Variants in LRRC49 observed in about 807,000 individuals in gnomAD.
LRRC49 encodes leucine rich repeat containing 49.
Under a neutral mutation model 83.3 loss-of-function variants are expected in LRRC49, and 50 were observed. The observed-to-expected ratio is 0.60, with a 90% CI of 0.48 to 0.76. The LOEUF is 0.76. Among genes scored for constraint, LRRC49 ranks in the 30% least tolerant of loss-of-function variants. The pLI is 0.00. For synonymous variants in LRRC49, 286 were observed against 283.3 expected (o/e 1.01, Z -0.10); for missense variants, 704 against 809.1 (o/e 0.87, Z 1.58).
chr15:70,862,627 T>C (rs1053419394), intron 1 of LRRC49, among the ~76,000 whole-genome samples: 9 of 150,948 alleles, frequency 6.0e-5, no homozygotes, highest in African/African-American at 1.9e-4. Context: ...AATTAAGTTC[T>C]GGGGTTAAGA....
At chr15:71,027,723 T>C (rs1427674929) in intron 14 of LRRC49, among the ~76,000 whole-genome samples, 1 of 152,252 alleles carries the variant, frequency 6.6e-6, no homozygotes, top group African/African-American at 2.4e-5. Context: ...GGTAGTTCAC[T>C]CATGATTTGG....
intron 2 of LRRC49, among the ~76,000 whole-genome samples, chr15:70,876,450 G>A (rs1466514886): frequency 6.6e-6 from 1 of 152,164 alleles, no homozygotes; most frequent in Non-Finnish European, 1.5e-5. Flanking sequence ...ATGCCATGAT[G>A]GGCTATGCAT....
At chr15:70,935,201 G>A (rs775445282) in intron 7 of LRRC49, among the ~76,000 whole-genome samples, 7 of 152,194 alleles carry the variant, frequency 4.6e-5, no homozygotes, top group Non-Finnish European at 8.8e-5. Context: ...TGTGGAATAG[G>A]CTTCATGGGA....
intron 3 of LRRC49, among the ~76,000 whole-genome samples, chr15:70,897,443 G>A (rs537112627): frequency 6.6e-6 from 1 of 152,186 alleles, no homozygotes; most frequent in Admixed American, 6.5e-5. Context: ...TGTGTACCTG[G>A]TTACTTTCAA....
chr15:71,011,082 T>C (rs905698133), intron 13 of LRRC49, among the ~76,000 whole-genome samples: 6 of 152,092 alleles, frequency 3.9e-5, no homozygotes, highest in African/African-American at 1.4e-4. Flanking sequence ...CTGCTGAAGA[T>C]GTTGGGTAAA....
chr15:70,949,248 A>T (rs186742117), intron 8 of LRRC49, among the ~76,000 whole-genome samples: 2 of 152,334 alleles, frequency 1.3e-5, no homozygotes, highest in Admixed American at 1.3e-4. Context: ...ATAGTCATAC[A>T]CTGAGTAACA....
Position 70,882,865 on chromosome 15 carries a change from T to G in LRRC49, c.18+9642T>G, listed in dbSNP as rs773596354. ...TGAAGTGACAGTATTAGATGGATTA[T>G]CAGCATGGGGTTGGGTTTGCACAAG... On this transcript the variant is annotated intron_variant, in intron 2 of 16. Coordinates refer to the LRRC49 transcript ENST00000544974. 7 of 1,613,998 alleles carry G rather than the reference T, an allele frequency of 4.3e-6. No individual in the cohort carries two copies. In the Admixed American group the frequency reaches 1.0e-4, roughly 23 times the overall value.
At chr15:71,029,278 G>A (rs938810134) in intron 14 of LRRC49, among the ~76,000 whole-genome samples, 12 of 152,078 alleles carry the variant, frequency 7.9e-5, no homozygotes, top group Non-Finnish European at 1.3e-4. Context: ...TCATTCAGGA[G>A]CAGAGTGTTC....
chr15:70,871,416 C>T (rs188727799), intron 1 of LRRC49, among the ~76,000 whole-genome samples: 1 of 152,316 alleles, frequency 6.6e-6, no homozygotes, highest in East Asian at 1.9e-4. Context: ...CCCCTCTCTA[C>T]TCGACAAAAC....
intron 1 of LRRC49, among the ~76,000 whole-genome samples, chr15:70,869,178 G>A (rs2032975401): frequency 6.6e-6 from 1 of 152,054 alleles, no homozygotes; most frequent in Non-Finnish European, 1.5e-5. Context: ...AGGTCACAGA[G>A]CTTTATTTAT....
intron 7 of LRRC49, among the ~76,000 whole-genome samples, chr15:70,927,384 G>C (rs2035240943): frequency 6.6e-6 from 1 of 151,582 alleles, no homozygotes; most frequent in African/African-American, 2.4e-5. Flanking sequence ...TCCTTTGTTT[G>C]ATATATATAT....
chr15:71,028,956 T>G (rs550418683), intron 14 of LRRC49, among the ~76,000 whole-genome samples: 25 of 152,322 alleles, frequency 1.6e-4, no homozygotes, highest in African/African-American at 4.8e-4. Flanking sequence ...TCATTTCTGC[T>G]CTGATATTTG....
chr15:70,879,194 T>C (rs2141082062), intron 2 of LRRC49, among the ~76,000 whole-genome samples: 1 of 152,346 alleles, frequency 6.6e-6, no homozygotes, highest in Non-Finnish European at 1.5e-5. Flanking sequence ...CTCTAGAATT[T>C]CCATTTGGTT....
chr15:71,033,390 A>G (rs1385533086), intron 14 of LRRC49, among the ~76,000 whole-genome samples: 1 of 152,204 alleles, frequency 6.6e-6, no homozygotes, highest in African/African-American at 2.4e-5. Context: ...ATCATAGAGG[A>G]CACAAACAAA....
chr15:70,958,658 T>C (rs1351972254), intron 8 of LRRC49, among the ~76,000 whole-genome samples: 1 of 152,236 alleles, frequency 6.6e-6, no homozygotes, highest in African/African-American at 2.4e-5. Context: ...GTTTATACTT[T>C]AAGTGATGAT....
In LRRC49 at chr15:71,008,395, C is replaced by T. The variant is rs779606094; in HGVS notation, c.1186C>T (p.Leu396Phe). 6.2e-7 allele frequency: 1 copy of T among 1,611,732 alleles called. No individual in the cohort carries two copies. Among genetic ancestry groups the T allele is most frequent in the African/African-American group, 1.3e-5 (1 of 74,848 alleles). Reference sequence around the variant, plus strand: ...GTTTTCCAGGCCTCTAGACTCAGGACTCAACAATGCTTTACAAGGTTTATC... The same window carrying T: ...GTTTTCCAGGCCTCTAGACTCAGGATTCAACAATGCTTTACAAGGTTTATC... ...PEETGPLDSG[L>F]NNALQGLSVI... Residue 396 changes from leucine (L) to phenylalanine (F), a missense_variant, in exon 12 of 16, where the codon CTC (leucine) becomes TTC (phenylalanine). By Grantham distance (22) the Leu-to-Phe change is conservative. Around this residue, in one of 3 missense-constraint regions of LRRC49, gnomAD observed 168 missense variants for 140.6 expected, o/e 1.20. Coordinates refer to ENST00000260382, the MANE Select transcript of LRRC49 (RefSeq NM_017691.5).
At chr15:71,015,428 G>T (rs529990601) in intron 14 of LRRC49, among the ~76,000 whole-genome samples, 1 of 152,246 alleles carries the variant, frequency 6.6e-6, no homozygotes, top group African/African-American at 2.4e-5. Context: ...AAGATCCCTG[G>T]CATGTGCAGT....
chr15:71,013,419 A>G (rs571349540), intron 14 of LRRC49, among the ~76,000 whole-genome samples: 24 of 152,344 alleles, frequency 1.6e-4, no homozygotes, highest in Non-Finnish European at 2.5e-4. Flanking sequence ...ATCCATGCCA[A>G]GCAAAAATGA....
chr15:70,909,483 A>G (rs1316662303), intron 5 of LRRC49, among the ~76,000 whole-genome samples: 3 of 152,176 alleles, frequency 2.0e-5, no homozygotes, highest in Non-Finnish European at 4.4e-5. Flanking sequence ...TTACAGTACT[A>G]TAATTTTCTG....
Sources: gnomAD v4.1 joint callset for allele counts (sites outside exome capture counted in the v4.1 genomes callset) on GRCh38, gnomAD v4.1.1 for gene constraint, gnomAD v4.1.1 regional missense constraint, MANE v1.5 for transcripts, NCBI Gene and HGNC (gene_info 2026-07-23, HGNC 2026-07-21) for gene names.